The following MORC1 variants were observed in gnomAD, a reference collection of about 807,000 sequenced individuals.
MORC1 encodes the protein MORC family CW-type zinc finger 1, also known as MORC family CW-type zinc finger protein 1.
Under a neutral mutation model 134.9 loss-of-function variants are expected in MORC1, and 59 were observed. The ratio of observed to expected loss-of-function variants is 0.44; its 90% CI spans 0.35 to 0.54. The LOEUF is 0.54. Ranked by LOEUF, MORC1 falls within the 20% of genes least tolerant of loss-of-function variation. The probability of loss-of-function intolerance (pLI) is 0.00; values close to 1 mark genes in which losing one functional copy is unlikely to be tolerated. For missense variants in MORC1, 947 were observed against 1,134.5 expected (o/e 0.83, Z 2.37); for synonymous variants, 395 against 391.7 (o/e 1.01, Z -0.10).
In MORC1 at chr3:109,059,826, C is replaced by G. The variant is rs564959353; in HGVS notation, c.1011G>C (p.Lys337Asn). Residue 337 changes from lysine to asparagine, a missense_variant, in exon 12 of 28, where the codon AAG becomes AAC. Physicochemically the swap from Lys to Asn is moderately conservative, Grantham distance 94. This residue lies in a region of MORC1 where 722 missense variants were observed against 817.0 expected (regional missense o/e 0.88). Coordinates refer to ENST00000232603, the MANE Select transcript of MORC1 (RefSeq NM_014429.4). ...CTTACCTTTGTTTCTCTTTAAGATT[C>G]TTTTGCTTTGCTTCTACATCTTCCA... The part of the protein sequence containing the change: ...RALEDVEAKQ[K>N]NLKEKQRELK... 3.1e-6 allele frequency: 5 copies of G among 1,612,440 alleles called. No individual in the cohort carries two copies. The Admixed American group carries it at 6.7e-5, about 22-fold the overall frequency.
At chr3:108,961,817 C>T (rs149665352) in intron 27 of MORC1, among the ~76,000 whole-genome samples, 104 of 152,282 alleles carry the variant, frequency 6.8e-4, no homozygotes, top group Admixed American at 1.3e-3. Flanking sequence ...GAGTAGTAAA[C>T]GATTATTCTT....
chr3:108,978,775 G>C (rs975110636), intron 24 of MORC1, among the ~76,000 whole-genome samples: 1 of 152,090 alleles, frequency 6.6e-6, no homozygotes, highest in South Asian at 2.1e-4. Context: ...TCCAGGTAGG[G>C]CATGTTGTTT....
intron 8 of MORC1, among the ~76,000 whole-genome samples, chr3:109,075,324 C>T (rs1204224500): frequency 6.6e-6 from 1 of 152,116 alleles, no homozygotes; most frequent in Non-Finnish European, 1.5e-5. Flanking sequence ...AACTATATGA[C>T]CCACTGACAG....
intron 25 of MORC1, among the ~76,000 whole-genome samples, chr3:108,970,560 A>G (rs1159150198): frequency 6.6e-6 from 1 of 152,222 alleles, no homozygotes; most frequent in Non-Finnish European, 1.5e-5. Context: ...GATTGTGCCC[A>G]AGATCAGACT....
chr3:109,061,836 A>T, intron 11 of MORC1, 152 bp downstream of exon 11: 1 of 722,380 alleles, frequency 1.4e-6, no homozygotes, highest in Non-Finnish European at 2.4e-6. Context: ...GAACTCATCT[A>T]TTCTGTTTAC....
chr3:109,085,305 C>G (rs1950597126), intron 8 of MORC1, among the ~76,000 whole-genome samples: 1 of 151,986 alleles, frequency 6.6e-6, no homozygotes, highest in Non-Finnish European at 1.5e-5. Flanking sequence ...AGAAGATAGT[C>G]AACAAAGTGA....
At chr3:108,963,686 T>A in intron 26 of MORC1, 78 bp from the exon 27 acceptor site, 3 of 988,662 alleles carry the variant, frequency 3.0e-6, no homozygotes. Context: ...CAATTTCATA[T>A]TCCAACTCTG....
At chr3:109,069,800 C>A in intron 8 of MORC1, 43 bp from the exon 9 acceptor site, 2 of 1,549,074 alleles carry the variant, frequency 1.3e-6, no homozygotes, top group South Asian at 1.2e-5. Context: ...GAGGACACAA[C>A]AACTACATCT....
chr3:109,072,525 C>T (rs1950341235), intron 8 of MORC1, among the ~76,000 whole-genome samples: 1 of 152,154 alleles, frequency 6.6e-6, no homozygotes, highest in Non-Finnish European at 1.5e-5. Context: ...GAAGCTAGCG[C>T]TCTCATCAAT....
At chr3:109,013,843 T>C (rs1021125499) in intron 17 of MORC1, among the ~76,000 whole-genome samples, 1 of 152,108 alleles carries the variant, frequency 6.6e-6, no homozygotes, top group African/African-American at 2.4e-5. Flanking sequence ...CATGAATGGA[T>C]TAATGCCAAT....
chr3:109,111,419 T>C (rs1037377497), intron 2 of MORC1, among the ~76,000 whole-genome samples: 4 of 152,204 alleles, frequency 2.6e-5, no homozygotes, highest in Non-Finnish European at 5.9e-5. Context: ...GTGAAAATAT[T>C]TGCCATCTGG....
chr3:109,117,971 C>A, intron 1 of MORC1, 24 bp downstream of exon 1: 1 of 1,571,114 alleles, frequency 6.4e-7, no homozygotes, highest in Non-Finnish European at 8.7e-7. Context: ...CCCTCCCCGA[C>A]CCCGACCCCA....
At chr3:109,080,382 C>T (rs1180216214) in intron 8 of MORC1, among the ~76,000 whole-genome samples, 1 of 152,100 alleles carries the variant, frequency 6.6e-6, no homozygotes, top group African/African-American at 2.4e-5. Flanking sequence ...AAGACTTGCC[C>T]CCATGATTCA....
At chr3:109,013,857 T>G (rs1332046147) in intron 17 of MORC1, among the ~76,000 whole-genome samples, 3 of 152,042 alleles carry the variant, frequency 2.0e-5, no homozygotes, top group Non-Finnish European at 4.4e-5. Flanking sequence ...TGCCAATTAT[T>G]ACAGGATTTG....
chr3:109,042,641 G>T (rs1270272094), intron 14 of MORC1, among the ~76,000 whole-genome samples: 1 of 152,188 alleles, frequency 6.6e-6, no homozygotes, highest in Non-Finnish European at 1.5e-5. Flanking sequence ...CATATTCATT[G>T]CAGCACTATT....
At chr3:109,010,966 T>C (rs1331958666) in intron 17 of MORC1, among the ~76,000 whole-genome samples, 1 of 152,234 alleles carries the variant, frequency 6.6e-6, no homozygotes, top group African/African-American at 2.4e-5. Flanking sequence ...TAAGCACACA[T>C]GTACAAGTTT....
chr3:109,054,770 T>C lies in MORC1; in HGVS notation c.1288A>G (p.Met430Val). Residue 430 changes from methionine to valine, a missense_variant, in exon 14 of 28, where the codon ATG becomes GTG. Met to Val is a conservative substitution (Grantham distance 21, BLOSUM62 1). Transcript: ENST00000232603. ...CAGTACTGGACCAAGTACTGTCCCA[T>C]GACTTTTAGTAGATGATTATACTCT... The part of the protein sequence containing the change: ...VQEYNHLLKV[M>V]GQYLVQYCKD... 1 of 1,598,080 alleles carries C rather than the reference T, an allele frequency of 6.3e-7. No homozygotes were observed. Among genetic ancestry groups the C allele is most frequent in the Non-Finnish European group, 8.5e-7 (1 of 1,176,330 alleles).
At chr3:109,084,668 C>G (rs1006900257) in intron 8 of MORC1, among the ~76,000 whole-genome samples, 1 of 151,972 alleles carries the variant, frequency 6.6e-6, no homozygotes, top group African/African-American at 2.4e-5. Context: ...TTATATGGAA[C>G]CACAGAAGAC....
Position 109,060,222 on chromosome 3 carries a change from A to G in MORC1, c.967-352T>C, listed in dbSNP as rs570134267. Among the ~76,000 whole-genome samples, 36 of 152,014 alleles carry G rather than the reference A, an allele frequency of 2.4e-4. No homozygotes were observed. The South Asian group carries it at 6.4e-3, about 27-fold the overall frequency. ...GGCTCTGACTTTTGTTTGTGAGAAC[A>G]ATAAATGCTCAATTATGTGACCACG... On this transcript the variant is annotated intron_variant, in intron 11 of 27. Transcript: ENST00000232603.
Sources: allele counts gnomAD v4.1 joint callset (sites outside exome capture counted in the v4.1 genomes callset), GRCh38; gene constraint gnomAD v4.1.1; regional missense constraint gnomAD v4.1.1; transcripts MANE v1.5; gene names NCBI Gene and HGNC (gene_info 2026-07-23, HGNC 2026-07-21).